The following RIPOR3 variants were observed in gnomAD, a reference collection of about 807,000 sequenced individuals.
RIPOR3 encodes the protein family with sequence similarity 65 member C.
A neutral mutation model predicts 114.3 loss-of-function variants in RIPOR3; 95 were observed. The observed-to-expected ratio is 0.83, with a 90% CI of 0.70 to 0.99. The LOEUF is 0.99. RIPOR3 is among the 50% of genes least tolerant of loss of function. RIPOR3 has a pLI of 0.00. For missense variants in RIPOR3, 1,252 were observed against 1,266.9 expected (o/e 0.99, Z 0.18); for synonymous variants, 575 against 543.8 (o/e 1.06, Z -0.80).
chr20:50,587,699 C>A, intron 21 of RIPOR3, 103 bp downstream of exon 21: 3 of 1,108,456 alleles, frequency 2.7e-6, no homozygotes, highest in Non-Finnish European at 4.0e-6. Context: ...ATCCCAGGTG[C>A]CCCAGAGTTG....
At chr20:50,589,555 C>CA in intron 20 of RIPOR3, 131 bp downstream of exon 20, 2 of 951,792 alleles carry the variant, frequency 2.1e-6, no homozygotes, top group Non-Finnish European at 3.1e-6. Context: ...CTTGGCCTCC[C>CA]AAAGTGCTGA....
chr20:50,654,358 G>A (rs550361134), intron 1 of RIPOR3, among the ~76,000 whole-genome samples: 1 of 150,572 alleles, frequency 6.6e-6, no homozygotes, highest in East Asian at 2.0e-4. Flanking sequence ...GTAGAGATGG[G>A]GTTTCACTCC....
At chr20:50,624,183 GGCTGT>G (rs2084532993) in intron 2 of RIPOR3, among the ~76,000 whole-genome samples, 1 of 152,174 alleles carries the variant, frequency 6.6e-6, no homozygotes, top group African/African-American at 2.4e-5. Context: ...AGCCCACAGG[GGCTGT>G]GCTCCCTCTT....
At chr20:50,646,157 T>A (rs1400548689) in intron 1 of RIPOR3, among the ~76,000 whole-genome samples, 3 of 151,986 alleles carry the variant, frequency 2.0e-5, no homozygotes, top group African/African-American at 7.3e-5. Context: ...AGACAGGTTC[T>A]CACTATGTCG....
At chr20:50,639,036 G>A (rs2085099007) in intron 1 of RIPOR3, among the ~76,000 whole-genome samples, 1 of 152,158 alleles carries the variant, frequency 6.6e-6, no homozygotes, top group African/African-American at 2.4e-5. Flanking sequence ...GAGGTCAGGA[G>A]TTTGAAACCA....
At chr20:50,636,672 G>A in intron 1 of RIPOR3, 1 of 985,556 alleles carries the variant, frequency 1.0e-6, no homozygotes, top group Non-Finnish European at 1.2e-6. Context: ...TTCAGACCCG[G>A]CTGGTGTGTG....
chr20:50,690,193 G>A (rs957077261), intron 1 of RIPOR3, among the ~76,000 whole-genome samples: 1 of 152,230 alleles, frequency 6.6e-6, no homozygotes, highest in Non-Finnish European at 1.5e-5. Context: ...AACACTGCAC[G>A]GGCCCAGAGT....
chr20:50,677,925 C>T (rs960716309), intron 1 of RIPOR3, among the ~76,000 whole-genome samples: 3 of 151,988 alleles, frequency 2.0e-5, no homozygotes, highest in Non-Finnish European at 2.9e-5. Flanking sequence ...CTGTCCCGAC[C>T]TCCCAAAGTG....
chr20:50,687,146 G>A (rs2087055126), intron 1 of RIPOR3, among the ~76,000 whole-genome samples: 1 of 152,222 alleles, frequency 6.6e-6, no homozygotes, highest in Non-Finnish European at 1.5e-5. Flanking sequence ...GACTAATCGG[G>A]AGCCGCTGCG....
Position 50,611,799 on chromosome 20 carries a change from G to A in RIPOR3, c.349-595C>T, listed in dbSNP as rs890528714. On this transcript the variant is annotated intron_variant, in intron 4 of 21. Transcript: ENST00000327979. ...AGAGTAAATATTTCAGGCTTGGCAGGCCACGGCGCCCCATGCCAAGATCTA... is the reference window on the plus strand; with the variant it reads ...AGAGTAAATATTTCAGGCTTGGCAGACCACGGCGCCCCATGCCAAGATCTA... Among the ~76,000 whole-genome samples, 7 of 152,142 alleles carry A rather than the reference G, an allele frequency of 4.6e-5. 1 individual carries two copies. The highest frequency in any genetic ancestry group is 4.6e-4 in the Admixed American group (7 of 15,268).
intron 1 of RIPOR3, among the ~76,000 whole-genome samples, chr20:50,665,333 G>A (rs1011830116): frequency 6.7e-6 from 1 of 149,496 alleles, no homozygotes; most frequent in Non-Finnish European, 1.5e-5. Flanking sequence ...TGTGGTCCCA[G>A]CTACTCAGGA....
At chr20:50,617,568 A>C (rs2084223708) in intron 3 of RIPOR3, among the ~76,000 whole-genome samples, 1 of 147,778 alleles carries the variant, frequency 6.8e-6, no homozygotes. Flanking sequence ...CAGGGTAGCC[A>C]CCGCTGTGCC....
chr20:50,666,188 T>TTTTTTCTTTTC (rs35460723), intron 1 of RIPOR3, among the ~76,000 whole-genome samples: 2 of 19,368 alleles, frequency 1.0e-4, no homozygotes, highest in South Asian at 8.7e-3. Flanking sequence ...CACCCATTTC[T>TTTTTTCTTTTC]TTTCTTTTCT....
chr20:50,667,029 C>T (rs1568946664), intron 1 of RIPOR3, among the ~76,000 whole-genome samples: 1 of 152,144 alleles, frequency 6.6e-6, no homozygotes, highest in Non-Finnish European at 1.5e-5. Flanking sequence ...ACCTCCCCTA[C>T]AAACAAAGCT....
chr20:50,593,995 G>A (rs947573530), intron 17 of RIPOR3, among the ~76,000 whole-genome samples: 3 of 152,112 alleles, frequency 2.0e-5, no homozygotes, highest in Non-Finnish European at 4.4e-5. Context: ...TGGCGGCCGG[G>A]CGCAGTGGCT....
At chr20:50,657,267 C>T (rs2085844377) in intron 1 of RIPOR3, among the ~76,000 whole-genome samples, 2 of 152,186 alleles carry the variant, frequency 1.3e-5, no homozygotes, top group South Asian at 2.1e-4. Context: ...TGGTTCACAC[C>T]TATAATCCTA....
At chr20:50,594,197 A>G (rs763370948) in intron 17 of RIPOR3, among the ~76,000 whole-genome samples, 2 of 149,912 alleles carry the variant, frequency 1.3e-5, no homozygotes, top group African/African-American at 2.5e-5. Context: ...AATCGCTTGA[A>G]CCCGGGAGGT....
At chr20:50,605,606 C>T (rs1490145803) in intron 11 of RIPOR3, among the ~76,000 whole-genome samples, 4 of 150,928 alleles carry the variant, frequency 2.7e-5, no homozygotes, top group Non-Finnish European at 5.9e-5. Context: ...CCCGTCTCTA[C>T]AAAAAATGAA....
chr20:50,589,119 A>G (rs2083027336), intron 20 of RIPOR3, among the ~76,000 whole-genome samples: 1 of 147,900 alleles, frequency 6.8e-6, no homozygotes, highest in Admixed American at 6.8e-5. Flanking sequence ...AAAAAGCTAA[A>G]GTGCTGCCAG....
Sources: gnomAD v4.1 joint callset for allele counts (sites outside exome capture counted in the v4.1 genomes callset) on GRCh38, gnomAD v4.1.1 for gene constraint, MANE v1.5 for transcripts, NCBI Gene and HGNC (gene_info 2026-07-23, HGNC 2026-07-21) for gene names.